BLNK: variants seen among roughly 807,000 people sequenced by gnomAD.
The protein encoded by BLNK is B-cell linker protein.
Under a neutral mutation model 73.5 loss-of-function variants are expected in BLNK, and 29 were observed. The ratio of observed to expected loss-of-function variants is 0.39; its 90% CI spans 0.29 to 0.54. The LOEUF (loss-of-function observed/expected upper bound fraction) is 0.54. Ranked by LOEUF, BLNK falls within the 20% of genes least tolerant of loss-of-function variation. The pLI, the probability that BLNK is intolerant of heterozygous loss-of-function variation, is 0.61. For missense variants in BLNK, 460 were observed against 562.8 expected, an observed-to-expected ratio of 0.82 and a Z score of 1.85; for synonymous variants, 176 against 200.8, an observed-to-expected ratio of 0.88 and a Z score of 1.04.
intron 6 of BLNK, among the ~76,000 whole-genome samples, chr10:96,217,284 T>C (rs1223909718): frequency 6.6e-6 from 1 of 152,246 alleles, no homozygotes; most frequent in African/African-American, 2.4e-5. Flanking sequence ...ACTATTCATG[T>C]ACAAGTTTTT....
chr10:96,190,550 T>C lies in BLNK; in HGVS notation c.*1423A>G, dbSNP rs1470727593. On this transcript the variant is annotated 3_prime_UTR_variant, in exon 17 of 17. Coordinates refer to ENST00000224337, the MANE Select transcript of BLNK (RefSeq NM_013314.4). ...GGGGACCACAGTTCAATCTGTAACA[T>C]AGGTGGCAATTATGAAAGTTTATGA... is the stretch of plus-strand genomic sequence containing the variant. 6.6e-6 allele frequency among the ~76,000 whole-genome samples: 1 copy of C among 152,228 alleles called. No individual in the cohort carries two copies. The highest frequency in any genetic ancestry group is 1.5e-5 in the Non-Finnish European group (1 of 68,046).
intron 3 of BLNK, among the ~76,000 whole-genome samples, chr10:96,236,650 T>C (rs7894416): frequency 6.6e-6 from 1 of 151,738 alleles, no homozygotes; most frequent in Non-Finnish European, 1.5e-5. Flanking sequence ...AGTGAGACAT[T>C]GTCTCTACAA....
intron 1 of BLNK, among the ~76,000 whole-genome samples, chr10:96,269,382 AT>A (rs11295391): frequency 0.1 from 15,179 of 151,634 alleles, 2,402 homozygotes; most frequent in African/African-American, 0.34. Flanking sequence ...AAGAGAATGC[AT>A]TTCTGTATAG....
chr10:96,261,838 A>G (rs1843770168), intron 1 of BLNK, among the ~76,000 whole-genome samples: 1 of 152,234 alleles, frequency 6.6e-6, no homozygotes, highest in Admixed American at 6.5e-5. Context: ...AGGGACATTA[A>G]TACACTTTTT....
intron 3 of BLNK, among the ~76,000 whole-genome samples, chr10:96,239,769 G>A (rs1554905793): frequency 6.6e-6 from 1 of 152,098 alleles, no homozygotes; most frequent in Admixed American, 6.6e-5. Flanking sequence ...ATAATAGATG[G>A]ATGCTACCTC....
chr10:96,269,564 T>C (rs1844179392), intron 1 of BLNK, among the ~76,000 whole-genome samples: 1 of 152,070 alleles, frequency 6.6e-6, no homozygotes, highest in Non-Finnish European at 1.5e-5. Flanking sequence ...CCTGGATGCT[T>C]GGGTTACTTA....
intron 15 of BLNK, chr10:96,199,337 A>T: frequency 3.9e-6 from 1 of 258,930 alleles, no homozygotes; most frequent in Non-Finnish European, 8.2e-6. Flanking sequence ...GGGCTCTCCA[A>T]ACATTTACTT....
At chr10:96,234,809 G>A (rs980918494) in intron 3 of BLNK, among the ~76,000 whole-genome samples, 5 of 152,182 alleles carry the variant, frequency 3.3e-5, no homozygotes, top group Admixed American at 2.6e-4. Flanking sequence ...ATCCAAGAAA[G>A]CCTCTATTGT....
In BLNK at chr10:96,269,393, G is replaced by C. The variant is rs1370033572; in HGVS notation, c.47+1959C>G. Among the ~76,000 whole-genome samples, 5 of 149,962 alleles carry C rather than the reference G, an allele frequency of 3.3e-5. No homozygotes were observed. In the East Asian group the frequency reaches 9.8e-4, roughly 29 times the overall value. On this transcript the variant is annotated intron_variant, in intron 1 of 16. Coordinates refer to ENST00000224337, the MANE Select transcript of BLNK (RefSeq NM_013314.4). ...CTGAAAGAGAATGCATTTCTGTATA[G>C]TTCTACATTATGGAATATGTCTGAA...
chr10:96,204,523 G>T lies in BLNK; in HGVS notation c.902+9C>A. 6.2e-7 allele frequency: 1 copy of T among 1,613,450 alleles called. No homozygotes were observed. The highest frequency in any genetic ancestry group is 8.5e-7 in the Non-Finnish European group (1 of 1,179,438). On this transcript the variant is annotated intron_variant, in intron 12 of 16. Coordinates refer to ENST00000224337, the MANE Select transcript of BLNK (RefSeq NM_013314.4). ...GAGGAAACTGATCTTTAAAGGAAAG[G>T]ATTCTTACTTCTGGGCAGGAGGAAA...
chr10:96,204,874 G>C (rs2083754793), intron 11 of BLNK: 4 of 436,274 alleles, frequency 9.2e-6, no homozygotes. Flanking sequence ...TGTACATAGA[G>C]ACTGAACCCA....
chr10:96,189,615 T>A lies in BLNK; in HGVS notation c.*2358A>T. 1 of 701,702 alleles carries A rather than the reference T, an allele frequency of 1.4e-6. No individual in the cohort carries two copies. The highest frequency in any genetic ancestry group is 1.7e-5 in the African/African-American group (1 of 57,850). 43.5% of individuals were successfully genotyped at this position (701,702 alleles called of 1,614,324 possible). ...TGATGATGGGTTTGAGTGTTTTCTA[T>A]TCTGATTTGACTTTTGTGCATTTTT... On this transcript the variant is annotated 3_prime_UTR_variant, in exon 17 of 17. Transcript: ENST00000224337.
chr10:96,217,330 A>G (rs1226126331), intron 6 of BLNK, among the ~76,000 whole-genome samples: 2 of 152,202 alleles, frequency 1.3e-5, no homozygotes, highest in Admixed American at 1.3e-4. Flanking sequence ...ATATCCTAGA[A>G]GTGAAATTGT....
intron 1 of BLNK, among the ~76,000 whole-genome samples, chr10:96,265,366 C>G (rs985396465): frequency 2.6e-5 from 4 of 152,070 alleles, no homozygotes; most frequent in African/African-American, 9.7e-5. Context: ...TTTACCTCAA[C>G]ATTAAGAATT....
chr10:96,242,070 A>G (rs6584060), intron 3 of BLNK, among the ~76,000 whole-genome samples: 1 of 151,846 alleles, frequency 6.6e-6, no homozygotes, highest in Admixed American at 6.6e-5. Flanking sequence ...TACCCCCCCA[A>G]ATCTCATCTT....
chr10:96,216,556 G>T, intron 7 of BLNK, 97 bp downstream of exon 7: 1 of 1,082,736 alleles, frequency 9.2e-7, no homozygotes, highest in Non-Finnish European at 1.4e-6. Flanking sequence ...CCTGGGCACT[G>T]TCATTTCTGA....
chr10:96,235,001 T>C (rs587712379), intron 3 of BLNK, among the ~76,000 whole-genome samples: 37 of 152,358 alleles, frequency 2.4e-4, no homozygotes, highest in Admixed American at 7.8e-4. Context: ...TACCATGTCA[T>C]AATCCCATGC....
At chr10:96,222,998 C>T (rs1466716798) in intron 6 of BLNK, among the ~76,000 whole-genome samples, 1 of 151,890 alleles carries the variant, frequency 6.6e-6, no homozygotes, top group Non-Finnish European at 1.5e-5. Flanking sequence ...AAAGCAGTCT[C>T]CCAATAGATA....
intron 3 of BLNK, among the ~76,000 whole-genome samples, chr10:96,233,302 A>T (rs189338646): frequency 1.3e-5 from 2 of 152,296 alleles, no homozygotes; most frequent in African/African-American, 4.8e-5. Context: ...CACTGGTGAA[A>T]GTAGTGCATT....
Sources: allele counts gnomAD v4.1 joint callset (sites outside exome capture counted in the v4.1 genomes callset), GRCh38; gene constraint gnomAD v4.1.1; transcripts MANE v1.5; gene names NCBI Gene and HGNC (gene_info 2026-07-23, HGNC 2026-07-21).